The following TMPRSS6 variants were observed in gnomAD, a reference collection of about 807,000 sequenced individuals.
TMPRSS6 encodes the protein transmembrane serine protease 6.
A neutral mutation model predicts 101.5 loss-of-function variants in TMPRSS6; 67 were observed. That is an observed-to-expected ratio of 0.66 (90% confidence interval 0.54 to 0.81). The LOEUF (loss-of-function observed/expected upper bound fraction) is 0.81, where lower values mean the gene tolerates loss of function less well. Among genes scored for constraint, TMPRSS6 ranks in the 30% least tolerant of loss-of-function variants. The pLI, the probability that TMPRSS6 is intolerant of heterozygous loss-of-function variation, is 0.00. For missense variants in TMPRSS6, 1,034 were observed against 1,088.7 expected (o/e 0.95, Z 0.71); for synonymous variants, 453 against 464.9 (o/e 0.97, Z 0.33).
At position 37,075,700 on chromosome 22, in the gene TMPRSS6, C is replaced by T. The variant is rs555709257; in HGVS notation, c.1197-420G>A. On this transcript the variant is annotated intron_variant, in intron 10 of 17. Transcript: ENST00000676104. ...GGTGGATCACCTGAAGTCGGGAGTT[C>T]GAGACCAGACTGACCAACATGGAGA... is the stretch of plus-strand genomic sequence containing the variant. Among the ~76,000 whole-genome samples the T allele has an allele frequency of 2.5e-4, 38 of 152,210 alleles. 1 individual carries two copies. The East Asian group carries it at 6.2e-3, about 25-fold the overall frequency.
At chr22:37,075,058 A>G (rs1927497552) in intron 11 of TMPRSS6, 77 bp downstream of exon 11, 1 of 1,605,662 alleles carries the variant, frequency 6.2e-7, no homozygotes, top group Non-Finnish European at 8.5e-7. Flanking sequence ...AGCTGCCCAC[A>G]GCCCCCTTGG....
intron 11 of TMPRSS6, 21 bp from the exon 12 acceptor site, chr22:37,074,729 G>A (rs371707140): frequency 1.7e-5 from 27 of 1,612,610 alleles, no homozygotes; most frequent in South Asian, 8.8e-5. Context: ...ACAGGGGACC[G>A]TGGAGGCAGG....
intron 13 of TMPRSS6, among the ~76,000 whole-genome samples, chr22:37,072,892 AATGG>A (rs761677154): frequency 1.1e-5 from 1 of 94,636 alleles, no homozygotes; most frequent in East Asian, 3.6e-4. Flanking sequence ...TGGATGGATG[AATGG>A]ATGGATGGAT....
At chr22:37,086,734 C>T (rs1034815269) in intron 7 of TMPRSS6, among the ~76,000 whole-genome samples, 4 of 152,122 alleles carry the variant, frequency 2.6e-5, no homozygotes, top group African/African-American at 9.7e-5. Flanking sequence ...CCCCAGACCC[C>T]TCCACCCTGC....
At chr22:37,071,217 C>G (rs1180801953) in intron 13 of TMPRSS6, among the ~76,000 whole-genome samples, 185 bp from the exon 14 acceptor site, 2 of 152,036 alleles carry the variant, frequency 1.3e-5, no homozygotes, top group Non-Finnish European at 2.9e-5. Flanking sequence ...CACAGCCCCT[C>G]CACTCAGACT....
chr22:37,095,980 G>T lies in TMPRSS6; in HGVS notation c.515C>A (p.Ser172Tyr). The T allele has an allele frequency of 6.2e-7, 1 of 1,614,198 alleles. No individual in the cohort carries two copies. Residue 172 changes from serine to tyrosine, a missense_variant, in exon 5 of 18, where the codon TCC becomes TAC. Physicochemically the swap from Ser to Tyr is moderately radical, Grantham distance 144. Transcript: ENST00000676104. ...GACGGCAGCCGAGCTGTTGACTGTGGACAGCAGCTCCTCCACCAGCAGTGC... is the reference window on the plus strand; with the variant it reads ...GACGGCAGCCGAGCTGTTGACTGTGTACAGCAGCTCCTCCACCAGCAGTGC... ...VQALLVEELL[S>Y]TVNSSAAVPY...
chr22:37,096,217 C>T, intron 4 of TMPRSS6, 127 bp from the exon 5 acceptor site: 1 of 1,072,890 alleles, frequency 9.3e-7, no homozygotes, highest in Admixed American at 2.0e-5. Context: ...ACGCAGAAGC[C>T]TCCTAGCGAC....
Position 37,070,997 on chromosome 22 carries a change from C to T in TMPRSS6, c.1591G>A (p.Asp531Asn), listed in dbSNP as rs773055587. Residue 531 changes from aspartate (D) to asparagine (N), a missense_variant, in exon 14 of 18, where the codon GAC becomes AAC. Transcript: ENST00000676104. Reference sequence around the variant, plus strand: ...TTGGGCTTCTTCACGCAGCTCCGGTCCTCACACTGGAAGGTGAATGTCCCA... The same window carrying T: ...TTGGGCTTCTTCACGCAGCTCCGGTTCTCACACTGGAAGGTGAATGTCCCA... ...PCGTFTFQCE[D>N]RSCVKKPNPQ... 3 of 1,613,012 alleles carry T rather than the reference C, an allele frequency of 1.9e-6. No homozygotes were observed. Among genetic ancestry groups the T allele is most frequent in the South Asian group, 1.1e-5 (1 of 91,036 alleles).
rs1569023983 is a variant in TMPRSS6 at position 37,098,433 on chromosome 22, CG to C, written c.318del (p.Ala107ProfsTer49). 2 of 1,613,842 alleles carry C rather than the reference CG, an allele frequency of 1.2e-6. No homozygotes were observed. Among genetic ancestry groups the C allele is most frequent in the Non-Finnish European group, 1.7e-6 (2 of 1,179,952 alleles). On this transcript the variant is annotated frameshift_variant, in exon 3 of 18. Coordinates refer to ENST00000676104, the MANE Select transcript of TMPRSS6 (RefSeq NM_001374504.1). LOFTEE classifies it high-confidence loss of function. Reference sequence around the variant, plus strand: ...TTTCCTACCATCTTCTGGGCTTTGGCGGTTTCACTGCGGAAGGCACTAGATT... The same window carrying C: ...TTTCCTACCATCTTCTGGGCTTTGGCGTTTCACTGCGGAAGGCACTAGATT... ...RRESSAFRSETAKAQKMLKEL... is the reference protein window; with the variant it reads ...RRESSAFRSEXAKAQKMLKEL...
intron 8 of TMPRSS6, among the ~76,000 whole-genome samples, chr22:37,085,869 C>T (rs529986468): frequency 6.6e-6 from 1 of 151,970 alleles, no homozygotes; most frequent in Non-Finnish European, 1.5e-5. Flanking sequence ...GACCCGTGTT[C>T]CAGGCCCAGC....
intron 8 of TMPRSS6, among the ~76,000 whole-genome samples, 195 bp from the exon 9 acceptor site, chr22:37,085,034 TA>T: frequency 6.6e-6 from 1 of 152,128 alleles, no homozygotes; most frequent in Non-Finnish European, 1.5e-5. Context: ...CATAGGGTAG[TA>T]GAGTGGATTA....
In TMPRSS6 at chr22:37,086,357, G is replaced by C. The variant is rs1270960721; in HGVS notation, c.899C>G (p.Ala300Gly). 1 of 1,612,912 alleles carries C rather than the reference G, an allele frequency of 6.2e-7. No homozygotes were observed. The highest frequency in any genetic ancestry group is 1.1e-5 in the South Asian group (1 of 90,902). ...VEVLASGAIM[A>G]VVWKKGLHSY... ...GTGCAGGCCCTTCTTCCAGACGACC[G>C]CCATGATGGCCCCCGACGCCAGAAC... The change falls in exon 8 of 18, where the codon GCG becomes GGG. Residue 300 changes from alanine to glycine, a missense_variant. Ala to Gly is a moderately conservative substitution (Grantham distance 60). Transcript: ENST00000676104.
At chr22:37,088,148 T>C (rs1928932276) in intron 7 of TMPRSS6, among the ~76,000 whole-genome samples, 1 of 152,118 alleles carries the variant, frequency 6.6e-6, no homozygotes, top group African/African-American at 2.4e-5. Context: ...AACCCCTAAG[T>C]GTCCCCACCC....
rs1926701078 is a variant in TMPRSS6, at chr22:37,069,632, C to T, written c.1842-288G>A. ...GCAAATGGGAATGGCATTTTCTACT[C>T]GAATGTTCTTGAGAGAATCCAATAA... On this transcript the variant is annotated intron_variant, in intron 15 of 17. Coordinates refer to ENST00000676104, the MANE Select transcript of TMPRSS6 (RefSeq NM_001374504.1). This position sits in a 1 kb window ranked among gnomAD's most constrained non-coding sequence, Gnocchi z 4.8. 6.6e-6 allele frequency among the ~76,000 whole-genome samples: 1 copy of T among 152,210 alleles called. No individual in the cohort carries two copies. Among genetic ancestry groups the T allele is most frequent in the African/African-American group, 2.4e-5 (1 of 41,436 alleles).
intron 10 of TMPRSS6, chr22:37,082,839 C>A: frequency 2.5e-6 from 1 of 397,020 alleles, no homozygotes; most frequent in Non-Finnish European, 5.0e-6. Context: ...AGCCCTAGAT[C>A]ATGCCATGAG....
chr22:37,084,393 C>T lies in TMPRSS6; in HGVS notation c.1098G>A (p.Leu366=). The change falls in exon 10 of 18, where the codon CTG becomes CTA. Residue 366 remains leucine, a synonymous_variant. Transcript: ENST00000676104. ...CAAACCAGAGGGCCAAGCCGTAGTC[C>T]AGAGAGGGCACCTGGGAGGGAGGAG... The part of the protein sequence containing the change: ...HCSWHLTVPS[L]DYGLALWFDA... 6.2e-7 allele frequency: 1 copy of T among 1,611,982 alleles called. No homozygotes were observed. Among genetic ancestry groups the T allele is most frequent in the Non-Finnish European group, 8.5e-7 (1 of 1,179,036 alleles).
Position 37,084,404 on chromosome 22 carries a change from C to A in TMPRSS6, c.1087G>T (p.Val363Leu). 2 of 1,610,634 alleles carry A rather than the reference C, an allele frequency of 1.2e-6. No individual in the cohort carries two copies. The highest frequency in any genetic ancestry group is 8.5e-7 in the Non-Finnish European group (1 of 1,178,320). Residue 363 changes from valine to leucine, a missense_variant and splice_region_variant, in exon 10 of 18, where the codon GTG becomes TTG. Transcript: ENST00000676104. ...GCCAAGCCGTAGTCCAGAGAGGGCACCTGGGAGGGAGGAGCGGGCCATCAG... is the reference window on the plus strand; with the variant it reads ...GCCAAGCCGTAGTCCAGAGAGGGCAACTGGGAGGGAGGAGCGGGCCATCAG... ...PQTHCSWHLTVPSLDYGLALW... is the reference protein window; with the variant it reads ...PQTHCSWHLTLPSLDYGLALW...
chr22:37,067,534 C>A (rs1158596710), intron 16 of TMPRSS6, among the ~76,000 whole-genome samples: 1 of 151,892 alleles, frequency 6.6e-6, no homozygotes, highest in Non-Finnish European at 1.5e-5. Context: ...AGCTTCTTGT[C>A]CCCCACCTCT....
chr22:37,098,365 C>G, intron 3 of TMPRSS6, 51 bp downstream of exon 3: 1 of 1,613,180 alleles, frequency 6.2e-7, no homozygotes, highest in South Asian at 1.1e-5. Flanking sequence ...CCCCACCCCT[C>G]TCTTTTCACC....
Sources: allele counts gnomAD v4.1 joint callset (sites outside exome capture counted in the v4.1 genomes callset), GRCh38; gene constraint gnomAD v4.1.1; non-coding constraint Gnocchi (gnomAD v3.1); transcripts MANE v1.5; gene names NCBI Gene and HGNC (gene_info 2026-07-23, HGNC 2026-07-21).